MEI4: variants seen among roughly 807,000 people sequenced by gnomAD.
MEI4 encodes meiosis-specific protein MEI4.
In MEI4, 27 loss-of-function variants were observed where a neutral mutation model predicts 31.4. That is an observed-to-expected ratio of 0.86 (90% CI 0.63 to 1.19). The LOEUF is 1.19. Among genes scored for constraint, MEI4 ranks in the 50% most tolerant of loss-of-function variants. The probability of loss-of-function intolerance (pLI) is 0.00; values close to 1 mark genes in which losing one functional copy is unlikely to be tolerated. For synonymous variants in MEI4, 122 were observed against 145.4 expected (o/e 0.84, Z 1.16); for missense variants, 329 against 398.9 (o/e 0.82, Z 1.49).
At chr6:77,830,783 T>C (rs773628816) in intron 4 of MEI4, among the ~76,000 whole-genome samples, 1 of 152,080 alleles carries the variant, frequency 6.6e-6, no homozygotes, top group Non-Finnish European at 1.5e-5. Context: ...ATGTAAGATC[T>C]GAAACTATGC....
chr6:77,706,716 C>G (rs578172338), intron 2 of MEI4, among the ~76,000 whole-genome samples: 2 of 152,164 alleles, frequency 1.3e-5, no homozygotes, highest in East Asian at 3.9e-4. Flanking sequence ...GAGTGAGTTC[C>G]CTATGAGTTC....
chr6:77,708,840 C>G (rs1766391220), intron 2 of MEI4, among the ~76,000 whole-genome samples: 3 of 152,152 alleles, frequency 2.0e-5, no homozygotes, highest in African/African-American at 7.2e-5. Context: ...TATAAAGTTC[C>G]TGAGGCCCTC....
chr6:77,676,468 A>C (rs1768847361), intron 1 of MEI4, among the ~76,000 whole-genome samples: 1 of 152,114 alleles, frequency 6.6e-6, no homozygotes, highest in African/African-American at 2.4e-5. Context: ...CTGAGGCTAC[A>C]GTGAACCGTG....
intron 4 of MEI4, among the ~76,000 whole-genome samples, chr6:77,870,394 G>A (rs778532232): frequency 5.3e-5 from 8 of 152,150 alleles, no homozygotes; most frequent in Non-Finnish European, 8.8e-5. Flanking sequence ...CATTTTGCAG[G>A]TTAGGTAGAC....
At chr6:77,841,540 C>G (rs972871494) in intron 4 of MEI4, among the ~76,000 whole-genome samples, 1 of 151,170 alleles carries the variant, frequency 6.6e-6, no homozygotes, top group African/African-American at 2.4e-5. Flanking sequence ...TGGAGTTTCA[C>G]CATGTTGGCC....
intron 1 of MEI4, among the ~76,000 whole-genome samples, chr6:77,669,267 A>T (rs1768694057): frequency 6.6e-6 from 1 of 152,176 alleles, no homozygotes; most frequent in African/African-American, 2.4e-5. Flanking sequence ...GAGTTCTTGC[A>T]CACACATCAA....
intron 3 of MEI4, among the ~76,000 whole-genome samples, chr6:77,814,291 A>G (rs1582176166): frequency 6.6e-6 from 1 of 152,142 alleles, no homozygotes; most frequent in South Asian, 2.1e-4. Flanking sequence ...TAGCAAATGA[A>G]TATCTCAGTA....
Position 77,700,394 on chromosome 6 carries a change from C to T in MEI4, c.232+9491C>T, listed in dbSNP as rs186677433. 3.9e-5 allele frequency among the ~76,000 whole-genome samples: 6 copies of T among 152,326 alleles called. No individual in the cohort carries two copies. In the East Asian group the frequency reaches 1.2e-3, roughly 29 times the overall value. Reference sequence around the variant, plus strand: ...TCCGTGGGTGTAGGACCCTCCTAGCCATGTGTGGGATATAATCTCCTGGTG... The same window carrying T: ...TCCGTGGGTGTAGGACCCTCCTAGCTATGTGTGGGATATAATCTCCTGGTG... On this transcript the variant is annotated intron_variant, in intron 2 of 4. Transcript: ENST00000684080.
chr6:77,907,576 G>T (rs898477549), intron 4 of MEI4, among the ~76,000 whole-genome samples: 7 of 151,570 alleles, frequency 4.6e-5, no homozygotes, highest in Non-Finnish European at 1.0e-4. Flanking sequence ...TTTGCTATTG[G>T]GAATAGTGCT....
intron 3 of MEI4, among the ~76,000 whole-genome samples, chr6:77,763,097 T>C (rs1159377916): frequency 3.9e-5 from 6 of 152,046 alleles, no homozygotes; most frequent in African/African-American, 1.4e-4. Flanking sequence ...GTATTGGAGG[T>C]TGATATGACT....
At chr6:77,786,618 C>T (rs1047546728) in intron 3 of MEI4, among the ~76,000 whole-genome samples, 1 of 151,976 alleles carries the variant, frequency 6.6e-6, no homozygotes, top group African/African-American at 2.4e-5. Flanking sequence ...AGAAGTAAAA[C>T]TGTTTATATT....
intron 3 of MEI4, among the ~76,000 whole-genome samples, chr6:77,770,210 T>C (rs1427397086): frequency 2.0e-5 from 3 of 151,968 alleles, no homozygotes; most frequent in Non-Finnish European, 4.4e-5. Flanking sequence ...TGCCAGTAAA[T>C]TGGAAAACCT....
At chr6:77,869,558 G>T (rs1045201508) in intron 4 of MEI4, among the ~76,000 whole-genome samples, 1 of 151,992 alleles carries the variant, frequency 6.6e-6, no homozygotes, top group African/African-American at 2.4e-5. Context: ...AGGAGAGAGG[G>T]CTCAGAGGAA....
chr6:77,880,452 T>A (rs191480622), intron 4 of MEI4, among the ~76,000 whole-genome samples: 417 of 152,294 alleles, frequency 2.7e-3, no homozygotes, highest in Non-Finnish European at 5.1e-3. Flanking sequence ...GGGTATTTTT[T>A]AAATCACTGA....
chr6:77,845,999 ATTATTTTCATTTC>A (rs1770475043), intron 4 of MEI4, among the ~76,000 whole-genome samples: 1 of 151,306 alleles, frequency 6.6e-6, no homozygotes, highest in South Asian at 2.1e-4. Context: ...ATCTTTTCTC[ATTATTTTCATTTC>A]TTCTTTTCTA....
chr6:77,793,277 C>G (rs543610529), intron 3 of MEI4, among the ~76,000 whole-genome samples: 219 of 152,062 alleles, frequency 1.4e-3, no homozygotes, highest in Non-Finnish European at 2.7e-3. Flanking sequence ...AAAAGGCAAC[C>G]AAGAATACTC....
intron 2 of MEI4, among the ~76,000 whole-genome samples, chr6:77,699,267 G>A (rs1286416047): frequency 3.6e-5 from 5 of 140,674 alleles, no homozygotes; most frequent in Non-Finnish European, 6.0e-5. Context: ...TCGGCTCACT[G>A]CAAGCTCGGC....
chr6:77,659,842 A>C (rs1243138852), intron 1 of MEI4, among the ~76,000 whole-genome samples: 2 of 152,326 alleles, frequency 1.3e-5, no homozygotes, highest in East Asian at 3.9e-4. Context: ...AAGATTACCC[A>C]GGGGAATTCC....
At chr6:77,791,692 A>G (rs867484062) in intron 3 of MEI4, among the ~76,000 whole-genome samples, 11 of 124,708 alleles carry the variant, frequency 8.8e-5, no homozygotes, top group African/African-American at 2.8e-4. Flanking sequence ...AAAAAAAAAA[A>G]GAAATATCTG....
Sources: allele counts gnomAD v4.1 joint callset (sites outside exome capture counted in the v4.1 genomes callset), GRCh38; gene constraint gnomAD v4.1.1; transcripts MANE v1.5; gene names NCBI Gene and HGNC (gene_info 2026-07-23, HGNC 2026-07-21).